Variants in SAMD12 observed in about 807,000 individuals in gnomAD.
SAMD12 encodes sterile alpha motif domain-containing protein 12.
Under a neutral mutation model 15.0 loss-of-function variants are expected in SAMD12, and 9 were observed. The observed-to-expected ratio is 0.60, with a 90% confidence interval of 0.36 to 1.05. The LOEUF (loss-of-function observed/expected upper bound fraction) is 1.05. Among genes scored for constraint, SAMD12 ranks in the 50% least tolerant of loss-of-function variants. The probability of loss-of-function intolerance (pLI) is 0.01; values close to 1 mark genes in which losing one functional copy is unlikely to be tolerated. For synonymous variants in SAMD12, 86 were observed against 90.1 expected, an observed-to-expected ratio of 0.96 and a Z score of 0.25; for missense variants, 230 against 234.2, an observed-to-expected ratio of 0.98 and a Z score of 0.12.
intron 2 of SAMD12, among the ~76,000 whole-genome samples, chr8:118,568,039 C>A (rs1444929000): frequency 6.6e-6 from 1 of 151,952 alleles, no homozygotes; most frequent in Non-Finnish European, 1.5e-5. Context: ...TGGATGATGA[C>A]CTAAAATAAT....
At chr8:118,240,002 AATAAT>A (rs1158541254) in intron 4 of SAMD12, 1 of 152,124 alleles carries the variant, frequency 6.6e-6, no homozygotes, top group Non-Finnish European at 1.5e-5. Flanking sequence ...TAAATTCATT[AATAAT>A]ATTATCCAAA....
At chr8:118,475,986 C>A (rs774427081) in intron 2 of SAMD12, among the ~76,000 whole-genome samples, 3 of 152,140 alleles carry the variant, frequency 2.0e-5, no homozygotes, top group Non-Finnish European at 2.9e-5. Flanking sequence ...TGTGAAAATC[C>A]TTCTCTTTCA....
At chr8:118,197,626 C>A in exon 5 of SAMD12, 1 of 1,093,642 alleles carries the variant, frequency 9.1e-7, no homozygotes, top group Non-Finnish European at 1.4e-6. Context: ...TATCTTCTGG[C>A]AGTGCCATGG....
intron 2 of SAMD12, among the ~76,000 whole-genome samples, chr8:118,460,865 T>C (rs1014317483): frequency 6.6e-6 from 1 of 152,192 alleles, no homozygotes; most frequent in Non-Finnish European, 1.5e-5. Context: ...CCCATTTCTA[T>C]GGTCCCGTCT....
intron 3 of SAMD12, among the ~76,000 whole-genome samples, chr8:118,379,939 C>CACATTCAGTTAGAATGTGTGACTCAT (rs1200136974): frequency 3.3e-5 from 5 of 152,146 alleles, no homozygotes; most frequent in Non-Finnish European, 7.4e-5. Context: ...CACTGACTCA[C>CACATTCAGTTAGAATGTGTGACTCAT]ACATTCAGTT....
intron 4 of SAMD12, among the ~76,000 whole-genome samples, chr8:118,256,980 C>T (rs938946387): frequency 2.0e-5 from 3 of 152,036 alleles, no homozygotes; most frequent in African/African-American, 4.8e-5. Flanking sequence ...GGTTACTAAT[C>T]GTGAGCTCTA....
At chr8:118,426,767 A>G (rs1822247578) in intron 3 of SAMD12, among the ~76,000 whole-genome samples, 1 of 152,172 alleles carries the variant, frequency 6.6e-6, no homozygotes, top group South Asian at 2.1e-4. Context: ...AAATAAAAAT[A>G]ATGTATGTTT....
chr8:118,279,097 G>T (rs1225856190), intron 4 of SAMD12, among the ~76,000 whole-genome samples: 2 of 152,178 alleles, frequency 1.3e-5, no homozygotes, highest in Non-Finnish European at 2.9e-5. Flanking sequence ...CCCCAAAGGA[G>T]TTGAAGTTGA....
intron 3 of SAMD12, among the ~76,000 whole-genome samples, chr8:118,424,767 T>C (rs1182088974): frequency 5.3e-5 from 8 of 152,050 alleles, no homozygotes; most frequent in Non-Finnish European, 1.2e-4. Context: ...CCTCCATCAA[T>C]AACACATGAC....
intron 4 of SAMD12, among the ~76,000 whole-genome samples, chr8:118,264,853 G>A (rs1813162068): frequency 6.6e-6 from 1 of 152,140 alleles, no homozygotes; most frequent in Non-Finnish European, 1.5e-5. Context: ...CACCAACAGA[G>A]CAAGGTGAAT....
intron 4 of SAMD12, among the ~76,000 whole-genome samples, chr8:118,253,602 C>T (rs1181487372): frequency 2.6e-5 from 4 of 152,096 alleles, no homozygotes; most frequent in Non-Finnish European, 5.9e-5. Flanking sequence ...AAACTGTGTT[C>T]CTGATGTTGC....
At chr8:118,495,192 G>A (rs919433958) in intron 2 of SAMD12, among the ~76,000 whole-genome samples, 3 of 152,186 alleles carry the variant, frequency 2.0e-5, no homozygotes, top group African/African-American at 2.4e-5. Flanking sequence ...AACTGGAAGA[G>A]AAGCAATTGT....
At chr8:118,222,759 C>A (rs1016930324) in intron 4 of SAMD12, among the ~76,000 whole-genome samples, 2 of 152,110 alleles carry the variant, frequency 1.3e-5, no homozygotes, top group Non-Finnish European at 2.9e-5. Context: ...CCCACCTCAG[C>A]CTCCCAAAGC....
At chr8:118,301,683 A>AT (rs1166630716) in intron 4 of SAMD12, among the ~76,000 whole-genome samples, 3 of 152,190 alleles carry the variant, frequency 2.0e-5, no homozygotes, top group Non-Finnish European at 2.9e-5. Context: ...GATATATTTT[A>AT]TTTTTTATTA....
At chr8:118,174,130 CCT>C in the SAMD12 span, among the ~76,000 whole-genome samples, 1 of 152,164 alleles carries the variant, frequency 6.6e-6, no homozygotes, top group African/African-American at 2.4e-5. Context: ...TTGGCCCCCT[CCT>C]CTGTTAATAG....
At chr8:118,514,273 T>C (rs887376326) in intron 2 of SAMD12, among the ~76,000 whole-genome samples, 11 of 152,206 alleles carry the variant, frequency 7.2e-5, no homozygotes, top group Admixed American at 5.9e-4. Context: ...TAGTGCCATA[T>C]GTTTACAAAA....
At position 118,378,830 on chromosome 8, in the gene SAMD12, CTTTAT is replaced by C. The variant is rs1819515754; in HGVS notation, c.*582_*586del. On this transcript the variant is annotated 3_prime_UTR_variant, in exon 4 of 4. Coordinates refer to ENST00000314727, the MANE Select transcript of SAMD12 (RefSeq NM_207506.3). ...ACTTAAGGCTTTCTTCGAATTCTAG[CTTTAT>C]TTTGTCACTTCCACAGTTATTGAGA... is the stretch of plus-strand genomic sequence containing the variant. 2.0e-6 allele frequency: 2 copies of C among 985,262 alleles called. No individual in the cohort carries two copies. The highest frequency in any genetic ancestry group is 4.7e-5 in the South Asian group (1 of 21,278). The allele number at this position is 985,262 out of a possible 1,614,324, so 61.0% of individuals were successfully genotyped here. A position where few individuals can be genotyped will look rare whatever the true frequency, so the allele number is the denominator to read the frequency against.
intron 3 of SAMD12, among the ~76,000 whole-genome samples, chr8:118,392,151 G>A (rs1248843012): frequency 2.6e-5 from 4 of 152,186 alleles, no homozygotes; most frequent in Admixed American, 1.3e-4. Flanking sequence ...ACTGTTGGCT[G>A]GGCGCAGTGG....
intron 2 of SAMD12, among the ~76,000 whole-genome samples, chr8:118,463,645 C>T (rs1823501408): frequency 6.6e-6 from 1 of 152,106 alleles, no homozygotes; most frequent in Non-Finnish European, 1.5e-5. Flanking sequence ...TGGGGCTAGG[C>T]TGCTCCAACA....
Sources: allele counts gnomAD v4.1 joint callset (sites outside exome capture counted in the v4.1 genomes callset), GRCh38; gene constraint gnomAD v4.1.1; transcripts MANE v1.5; gene names NCBI Gene and HGNC (gene_info 2026-07-23, HGNC 2026-07-21).